LRP1B: variants seen among roughly 807,000 people sequenced by gnomAD.
LRP1B encodes the protein low-density lipoprotein receptor-related protein 1B.
A neutral mutation model predicts 556.6 loss-of-function variants in LRP1B; 217 were observed. That is an observed-to-expected ratio of 0.39 (90% CI 0.35 to 0.44). The LOEUF is 0.44. Among genes scored for constraint, LRP1B ranks in the 20% least tolerant of loss-of-function variants. The probability of loss-of-function intolerance (pLI) is 1.00; values close to 1 mark genes in which losing one functional copy is unlikely to be tolerated. For missense variants in LRP1B, 5,053 were observed against 5,620.8 expected (o/e 0.90, Z 3.23); for synonymous variants, 2,047 against 1,865.8 (o/e 1.10, Z -2.50).
At chr2:141,763,238 A>G (rs1694620613) in intron 2 of LRP1B, among the ~76,000 whole-genome samples, 2 of 152,192 alleles carry the variant, frequency 1.3e-5, no homozygotes, top group Admixed American at 6.5e-5. Flanking sequence ...GGGTGAGTTC[A>G]GAGTACCTTT....
At chr2:142,097,310 A>T (rs1178761245) in intron 1 of LRP1B, among the ~76,000 whole-genome samples, 1 of 151,644 alleles carries the variant, frequency 6.6e-6, no homozygotes, top group Non-Finnish European at 1.5e-5. Flanking sequence ...TAGGTCCATG[A>T]TTCTTTAGTC....
chr2:141,197,187 T>C (rs1681791297), intron 6 of LRP1B, among the ~76,000 whole-genome samples: 1 of 152,114 alleles, frequency 6.6e-6, no homozygotes, highest in Non-Finnish European at 1.5e-5. Flanking sequence ...TAGTAGTGGA[T>C]AAGAAATTGC....
chr2:142,062,890 T>C (rs1704973677), intron 1 of LRP1B, among the ~76,000 whole-genome samples: 1 of 151,690 alleles, frequency 6.6e-6, no homozygotes, highest in East Asian at 1.9e-4. Context: ...TCAAGTTTTG[T>C]CAGTCTTTTT....
chr2:140,803,260 GTTTTTTTT>G (rs11352164), intron 32 of LRP1B, among the ~76,000 whole-genome samples: 2 of 102,238 alleles, frequency 2.0e-5, no homozygotes, highest in African/African-American at 1.0e-4. Context: ...CCTATTGAAA[GTTTTTTTT>G]TTTTTTTTTT....
At chr2:141,362,603 A>G (rs1253131290) in intron 3 of LRP1B, among the ~76,000 whole-genome samples, 1 of 152,248 alleles carries the variant, frequency 6.6e-6, no homozygotes, top group Non-Finnish European at 1.5e-5. Context: ...AGATTTCTAA[A>G]ATATGCATAT....
intron 14 of LRP1B, among the ~76,000 whole-genome samples, chr2:141,008,280 T>A (rs1697639141): frequency 6.6e-6 from 1 of 151,332 alleles, no homozygotes; most frequent in Non-Finnish European, 1.5e-5. Context: ...TTTATTCAAT[T>A]TTTTTAAAAT....
intron 67 of LRP1B, among the ~76,000 whole-genome samples, chr2:140,383,426 G>A (rs2105193694): frequency 2.0e-5 from 3 of 151,368 alleles, no homozygotes; most frequent in Middle Eastern, 6.8e-3. Flanking sequence ...CTAATATTTT[G>A]GTGCTCCCCA....
chr2:140,973,259 G>T (rs1318350678), intron 18 of LRP1B, among the ~76,000 whole-genome samples: 1 of 151,570 alleles, frequency 6.6e-6, no homozygotes, highest in African/African-American at 2.4e-5. Context: ...GTTTTTAATT[G>T]CTCTCCAAAA....
intron 41 of LRP1B, among the ~76,000 whole-genome samples, chr2:140,642,708 G>C (rs911056390): frequency 2.0e-5 from 3 of 152,246 alleles, no homozygotes; most frequent in African/African-American, 7.2e-5. Context: ...GCTGGGCATG[G>C]TGGCGGGCGC....
chr2:141,068,792 C>T (rs1439825257), intron 7 of LRP1B, among the ~76,000 whole-genome samples: 4 of 151,930 alleles, frequency 2.6e-5, no homozygotes, highest in Non-Finnish European at 4.4e-5. Flanking sequence ...CCCTCACTAT[C>T]TGCCTAAATA....
At chr2:141,743,486 C>CTTTTTTTTTTTTTTTTTTTTTTTTT (rs765968445) in intron 2 of LRP1B, among the ~76,000 whole-genome samples, 3 of 108,034 alleles carry the variant, frequency 2.8e-5, no homozygotes, top group African/African-American at 3.9e-5. Flanking sequence ...CTGCTTTTTT[C>CTTTTTTTTTTTTTTTTTTTTTTTTT]TTTTTTTTTT....
intron 3 of LRP1B, among the ~76,000 whole-genome samples, chr2:141,403,411 G>A (rs747286479): frequency 6.6e-6 from 1 of 151,994 alleles, no homozygotes; most frequent in Non-Finnish European, 1.5e-5. Context: ...ACTCAATAAA[G>A]GTATGTAATA....
chr2:141,502,408 A>AT lies in LRP1B; in HGVS notation c.206-21876dup, dbSNP rs1478113152. Among the ~76,000 whole-genome samples, 30 of 152,120 alleles carry AT rather than the reference A, an allele frequency of 2.0e-4. 1 individual carries two copies. The highest frequency in any genetic ancestry group is 1.3e-4 in the Admixed American group (2 of 15,262). The stretch of plus-strand genomic sequence containing the variant: ...TCATGAATATTTGTATTTAACCTTC[A>AT]TTTTTTTAATCAAAAGATTCCAGCA... On this transcript the variant is annotated intron_variant, in intron 2 of 90. Transcript: ENST00000389484.
Position 141,687,220 on chromosome 2 carries a change from C to T in LRP1B, c.205+123059G>A, listed in dbSNP as rs766005127. Among the ~76,000 whole-genome samples, 3 of 151,920 alleles carry T rather than the reference C, an allele frequency of 2.0e-5. No individual in the cohort carries two copies. The East Asian group carries it at 5.8e-4, about 29-fold the overall frequency. On this transcript the variant is annotated intron_variant, in intron 2 of 90. Transcript: ENST00000389484. ...GTCATAAACTTTTATGTTATTTTGT[C>T]ATAATCAGAGATGCCACAGTTTGGA... is the stretch of plus-strand genomic sequence containing the variant.
chr2:141,641,898 A>C (rs1166250604), intron 2 of LRP1B, among the ~76,000 whole-genome samples: 1 of 152,120 alleles, frequency 6.6e-6, no homozygotes, highest in Admixed American at 6.6e-5. Flanking sequence ...TTTTACTTTG[A>C]TATGAAGCCA....
intron 23 of LRP1B, among the ~76,000 whole-genome samples, chr2:140,900,313 G>A (rs1460147682): frequency 6.6e-6 from 1 of 152,196 alleles, no homozygotes; most frequent in African/African-American, 2.4e-5. Flanking sequence ...ATTCTCATGT[G>A]AAATATGATC....
chr2:141,655,171 C>G (rs1689956343), intron 2 of LRP1B, among the ~76,000 whole-genome samples: 1 of 152,098 alleles, frequency 6.6e-6, no homozygotes, highest in Non-Finnish European at 1.5e-5. Context: ...TATTTAGGAA[C>G]TTCAATACAT....
chr2:140,672,302 G>A (rs1283353224), intron 41 of LRP1B, among the ~76,000 whole-genome samples: 1 of 151,862 alleles, frequency 6.6e-6, no homozygotes, highest in Non-Finnish European at 1.5e-5. Context: ...TGACCAACAT[G>A]GTCAAACCTC....
At position 140,902,978 on chromosome 2, in the gene LRP1B, C is replaced by G. The variant is rs150785160; in HGVS notation, c.3708G>C (p.Lys1236Asn). 219 of 1,613,600 alleles carry G rather than the reference C, an allele frequency of 1.4e-4. No individual in the cohort carries two copies. Among genetic ancestry groups the G allele is most frequent in the Non-Finnish European group, 3.3e-5 (39 of 1,179,750 alleles). Residue 1236 changes from lysine (K) to asparagine (N), a missense_variant, in exon 23 of 91, where the codon AAG becomes AAC. By Grantham distance (94) the Lys-to-Asn change is moderately conservative. This residue lies in a region of LRP1B where 3,619 missense variants were observed against 3,931.9 expected (regional missense o/e 0.92). Transcript: ENST00000389484. ...GCTTCCAACCTTCATAACATGAGCA[C>G]TTGACTGTGTGCTTGTGCTGCTCAC... ...QVCEQHKHTV[K>N]CSCYEGWKLD... is the part of the protein sequence containing the mutation.
Sources: gnomAD v4.1 joint callset for allele counts (sites outside exome capture counted in the v4.1 genomes callset) on GRCh38, gnomAD v4.1.1 for gene constraint, gnomAD v4.1.1 regional missense constraint, MANE v1.5 for transcripts, NCBI Gene and HGNC (gene_info 2026-07-23, HGNC 2026-07-21) for gene names.